Variants in ARL15 observed in about 807,000 individuals in gnomAD.
ARL15 encodes ARF like GTPase 15.
In ARL15, 19 loss-of-function variants were observed where a neutral mutation model predicts 25.2. The ratio of observed to expected loss-of-function variants is 0.75; its 90% CI spans 0.53 to 1.10. ARL15 has a LOEUF of 1.10. Among genes scored for constraint, ARL15 ranks in the 50% least tolerant of loss-of-function variants. The pLI is 0.00. For missense variants in ARL15, 220 were observed against 246.0 expected (o/e 0.89, Z 0.71); for synonymous variants, 94 against 86.8 (o/e 1.08, Z -0.46).
chr5:54,273,871 T>A (rs1012901733), intron 1 of ARL15, among the ~76,000 whole-genome samples: 3 of 152,144 alleles, frequency 2.0e-5, no homozygotes, highest in African/African-American at 7.2e-5. Flanking sequence ...CATCGTCACG[T>A]CCTCACTGTG....
At chr5:54,269,684 C>T (rs567120276) in intron 1 of ARL15, among the ~76,000 whole-genome samples, 37 of 152,224 alleles carry the variant, frequency 2.4e-4, no homozygotes, top group African/African-American at 8.7e-4. Context: ...CTCGCACTGT[C>T]GCCTGGGCTG....
intron 4 of ARL15, among the ~76,000 whole-genome samples, chr5:54,016,107 C>A (rs895322079): frequency 6.6e-6 from 1 of 152,072 alleles, no homozygotes; most frequent in African/African-American, 2.4e-5. Flanking sequence ...AACTCCTTTG[C>A]GGCTACCGGT....
At chr5:54,025,120 T>C (rs1749746612) in intron 4 of ARL15, among the ~76,000 whole-genome samples, 1 of 151,860 alleles carries the variant, frequency 6.6e-6, no homozygotes, top group South Asian at 2.1e-4. Context: ...CAGAAAAACA[T>C]GAGAGCACTT....
intron 4 of ARL15, among the ~76,000 whole-genome samples, chr5:54,031,019 T>G (rs1749964559): frequency 6.6e-6 from 1 of 152,144 alleles, no homozygotes; most frequent in Non-Finnish European, 1.5e-5. Flanking sequence ...GTCTGCTTAT[T>G]TCTATACACG....
chr5:53,938,983 A>G (rs1746441482), intron 4 of ARL15, among the ~76,000 whole-genome samples: 1 of 152,258 alleles, frequency 6.6e-6, no homozygotes. Context: ...TTAAGCTATT[A>G]TAGATTTCCT....
intron 4 of ARL15, among the ~76,000 whole-genome samples, chr5:53,923,864 C>A (rs976485921): frequency 1.0e-4 from 15 of 149,264 alleles, no homozygotes; most frequent in South Asian, 6.7e-4. Context: ...GACTCCGTCT[C>A]AAAAAAATAA....
chr5:54,125,539 T>C (rs1753221993), intron 3 of ARL15, among the ~76,000 whole-genome samples: 1 of 152,336 alleles, frequency 6.6e-6, no homozygotes, highest in African/African-American at 2.4e-5. Flanking sequence ...TTCCATTGCA[T>C]GGATATACCA....
At chr5:53,965,986 T>G (rs1747547979) in intron 4 of ARL15, among the ~76,000 whole-genome samples, 1 of 152,148 alleles carries the variant, frequency 6.6e-6, no homozygotes, top group Non-Finnish European at 1.5e-5. Flanking sequence ...ATATATTTGG[T>G]TTTCATCCCC....
intron 4 of ARL15, among the ~76,000 whole-genome samples, chr5:53,917,291 A>G (rs886536891): frequency 1.3e-5 from 2 of 152,236 alleles, no homozygotes; most frequent in Admixed American, 1.3e-4. Flanking sequence ...TCATCAAAAA[A>G]TTCTCCTAGG....
At chr5:54,236,522 A>C (rs1395616057) in intron 1 of ARL15, among the ~76,000 whole-genome samples, 2 of 152,212 alleles carry the variant, frequency 1.3e-5, no homozygotes, top group East Asian at 3.8e-4. Flanking sequence ...AGACGCAAAA[A>C]GACAGAAACA....
intron 1 of ARL15, among the ~76,000 whole-genome samples, chr5:54,266,316 G>C (rs1386573855): frequency 6.6e-6 from 1 of 152,202 alleles, no homozygotes; most frequent in African/African-American, 2.4e-5. Context: ...CTTGGGACCA[G>C]CTTCTGCCTG....
At chr5:54,181,642 G>A (rs1418233529) in intron 1 of ARL15, among the ~76,000 whole-genome samples, 2 of 152,170 alleles carry the variant, frequency 1.3e-5, no homozygotes, top group Non-Finnish European at 2.9e-5. Context: ...ACATTTAAAA[G>A]GAGCTAGGTG....
At chr5:54,223,443 T>C (rs1756434499) in intron 1 of ARL15, among the ~76,000 whole-genome samples, 1 of 152,186 alleles carries the variant, frequency 6.6e-6, no homozygotes, top group Non-Finnish European at 1.5e-5. Context: ...GTTTAGGAGC[T>C]AAAGTTGAAT....
At chr5:54,161,998 T>TACACACACACACACACACAC (rs3839223) in intron 2 of ARL15, among the ~76,000 whole-genome samples, 1 of 144,566 alleles carries the variant, frequency 6.9e-6, no homozygotes, top group African/African-American at 2.5e-5. Context: ...CACACACACA[T>TACACACACACACACACACAC]ACACACACAC....
intron 4 of ARL15, among the ~76,000 whole-genome samples, chr5:53,918,413 G>A (rs772571949): frequency 8.5e-5 from 13 of 152,148 alleles, no homozygotes; most frequent in South Asian, 6.2e-4. Context: ...AGCTGGTCAC[G>A]TACTCCTGGG....
chr5:54,013,203 C>G (rs1039687760), intron 4 of ARL15, among the ~76,000 whole-genome samples: 1 of 152,182 alleles, frequency 6.6e-6, no homozygotes, highest in African/African-American at 2.4e-5. Context: ...TAAAAATATG[C>G]AAGCCAATGA....
At chr5:54,243,311 T>G (rs1278573675) in intron 1 of ARL15, among the ~76,000 whole-genome samples, 8 of 152,206 alleles carry the variant, frequency 5.3e-5, no homozygotes, top group African/African-American at 1.9e-4. Context: ...TAAATAGATG[T>G]AATCTAGGAA....
intron 4 of ARL15, among the ~76,000 whole-genome samples, chr5:54,058,400 T>C (rs898277758): frequency 1.3e-5 from 2 of 152,206 alleles, no homozygotes; most frequent in African/African-American, 4.8e-5. Context: ...AATAAACAAG[T>C]ATTTGTTGAA....
chr5:53,941,880 T>G (rs1279423359), intron 4 of ARL15, among the ~76,000 whole-genome samples: 1 of 152,018 alleles, frequency 6.6e-6, no homozygotes, highest in East Asian at 1.9e-4. Context: ...GAAAAGGAAG[T>G]CAGAAAGCTA....
Sources: gnomAD v4.1 joint callset for allele counts (sites outside exome capture counted in the v4.1 genomes callset) on GRCh38, gnomAD v4.1.1 for gene constraint, MANE v1.5 for transcripts, NCBI Gene and HGNC (gene_info 2026-07-23, HGNC 2026-07-21) for gene names.